Variants in ERICH3 observed in about 807,000 individuals in gnomAD.
ERICH3 encodes glutamate rich 3, also known as glutamate-rich protein 3.
In ERICH3, 126 loss-of-function variants were observed where a neutral mutation model predicts 131.1. The ratio of observed to expected loss-of-function variants is 0.96; its 90% CI spans 0.83 to 1.11. The LOEUF (loss-of-function observed/expected upper bound fraction) is 1.11. Ranked by LOEUF, ERICH3 falls within the 50% of genes most tolerant of loss-of-function variation. The pLI, the probability that ERICH3 is intolerant of heterozygous loss-of-function variation, is 0.00. For missense variants in ERICH3, 2,050 were observed against 1,810.7 expected (o/e 1.13, Z -2.40); for synonymous variants, 695 against 644.6 (o/e 1.08, Z -1.18).
intron 6 of ERICH3, 66 bp downstream of exon 6, chr1:74,636,214 A>C (rs570040370): frequency 7.8e-7 from 1 of 1,289,584 alleles, no homozygotes; most frequent in East Asian, 2.6e-5. Context: ...TACCTTGACC[A>C]CTGTAATAAC....
chr1:74,584,277 G>A (rs1424648173), intron 12 of ERICH3, among the ~76,000 whole-genome samples: 1 of 152,174 alleles, frequency 6.6e-6, no homozygotes, highest in Non-Finnish European at 1.5e-5. Context: ...CCATATAGTA[G>A]CCAGAATAAT....
intron 1 of ERICH3, among the ~76,000 whole-genome samples, chr1:74,671,326 A>G (rs1646741207): frequency 6.6e-6 from 1 of 151,690 alleles, no homozygotes. Context: ...CTGTTCCCTC[A>G]GAAGCATTTG....
intron 6 of ERICH3, among the ~76,000 whole-genome samples, chr1:74,635,297 G>A (rs1012638389): frequency 6.6e-6 from 1 of 151,944 alleles, no homozygotes; most frequent in African/African-American, 2.4e-5. Flanking sequence ...ATTTCTCTTG[G>A]TTTCTAGAAA....
chr1:74,660,615 A>G (rs1432641294), intron 1 of ERICH3, among the ~76,000 whole-genome samples: 1 of 140,454 alleles, frequency 7.1e-6, no homozygotes, highest in South Asian at 2.2e-4. Context: ...ATATATATAT[A>G]GTGTGTATAT....
rs10890136 is a variant in ERICH3, at chr1:74,580,045, C to T, written c.2177-3109G>A. The T allele has an allele frequency of 2.4e-5, 8 of 327,462 alleles. No homozygotes were observed. The Admixed American group carries it at 5.2e-4, about 21-fold the overall frequency. 20.3% of individuals were successfully genotyped at this position (327,462 alleles called of 1,614,324 possible). ...TTTTAAATAATATGTATTGTATTTT[C>T]CCTAAATATGGAGACAGTATTTAGA... On this transcript the variant is annotated intron_variant, in intron 12 of 14. Transcript: ENST00000326665.
At chr1:74,576,847 G>A in intron 13 of ERICH3, 48 bp downstream of exon 13, 1 of 1,513,026 alleles carries the variant, frequency 6.6e-7, no homozygotes. Context: ...TATGAGTCAT[G>A]GTCTGTTGGA....
intron 5 of ERICH3, among the ~76,000 whole-genome samples, chr1:74,640,956 T>C (rs931651633): frequency 6.6e-6 from 1 of 152,070 alleles, no homozygotes; most frequent in African/African-American, 2.4e-5. Flanking sequence ...TAAAGAGTAA[T>C]CATGCAGAAA....
At chr1:74,653,560 C>G (rs116720272) in intron 1 of ERICH3, among the ~76,000 whole-genome samples, 101 of 152,150 alleles carry the variant, frequency 6.6e-4, no homozygotes, top group African/African-American at 2.3e-3. Flanking sequence ...GTGTAATATC[C>G]ATATTCCATT....
chr1:74,620,952 AC>A, intron 7 of ERICH3, 38 bp from the exon 8 acceptor site: 1 of 1,446,646 alleles, frequency 6.9e-7, no homozygotes, highest in East Asian at 2.5e-5. Flanking sequence ...TTAACGAATT[AC>A]TTTCTAATGA....
At chr1:74,616,474 C>T (rs1184478993) in intron 8 of ERICH3, among the ~76,000 whole-genome samples, 2 of 152,142 alleles carry the variant, frequency 1.3e-5, no homozygotes, top group Admixed American at 6.5e-5. Flanking sequence ...GAGGGCTCAA[C>T]CTTTTCATAC....
At chr1:74,607,760 T>C (rs2100590178) in intron 9 of ERICH3, among the ~76,000 whole-genome samples, 1 of 152,094 alleles carries the variant, frequency 6.6e-6, no homozygotes, top group African/African-American at 2.4e-5. Flanking sequence ...ACAAAAGTAA[T>C]ATGAATAAAT....
chr1:74,665,951 C>T (rs549113), intron 1 of ERICH3, among the ~76,000 whole-genome samples: 119 of 152,122 alleles, frequency 7.8e-4, no homozygotes, highest in African/African-American at 2.6e-3. Context: ...TGGATTTAGA[C>T]AGAAGAAATA....
At chr1:74,660,022 C>A (rs1646625105) in intron 1 of ERICH3, among the ~76,000 whole-genome samples, 1 of 152,116 alleles carries the variant, frequency 6.6e-6, no homozygotes, top group South Asian at 2.1e-4. Flanking sequence ...TTCCCTTAAA[C>A]CCCATGTGTC....
At chr1:74,632,954 T>C (rs1398396340) in intron 6 of ERICH3, among the ~76,000 whole-genome samples, 1 of 151,922 alleles carries the variant, frequency 6.6e-6, no homozygotes, top group East Asian at 1.9e-4. Context: ...TTTTCACAAA[T>C]TGGTAATTTT....
intron 7 of ERICH3, 134 bp downstream of exon 7, chr1:74,631,579 A>C (rs910663626): frequency 1.4e-6 from 1 of 703,590 alleles, no homozygotes; most frequent in Non-Finnish European, 2.4e-6. Flanking sequence ...AAGCTTACTT[A>C]TAAAATTGTA....
rs542698747 is a variant in ERICH3 at position 74,640,816 on chromosome 1, C to T, written c.444+515G>A. Among the ~76,000 whole-genome samples the T allele has an allele frequency of 1.7e-3, 263 of 151,998 alleles. 5 individuals carry two copies. In the South Asian group the frequency reaches 0.052, roughly 30 times the overall value. On this transcript the variant is annotated intron_variant, in intron 5 of 14. Transcript: ENST00000326665. ...AGAAGCTCAAATGTTAGTATTTAGCCCAATATGCTACATGGTACCATTGAA... is the reference window on the plus strand; with the variant it reads ...AGAAGCTCAAATGTTAGTATTTAGCTCAATATGCTACATGGTACCATTGAA...
chr1:74,609,686 T>C (rs1648592641), intron 9 of ERICH3, among the ~76,000 whole-genome samples: 1 of 152,074 alleles, frequency 6.6e-6, no homozygotes, highest in East Asian at 1.9e-4. Flanking sequence ...CAATGCACTG[T>C]TCTATTCTGG....
chr1:74,597,639 G>A (rs563464542), intron 11 of ERICH3, among the ~76,000 whole-genome samples: 2 of 151,790 alleles, frequency 1.3e-5, no homozygotes, highest in African/African-American at 2.4e-5. Flanking sequence ...GGCACTAACC[G>A]AAACATCTTC....
At chr1:74,647,142 G>T (rs745540363) in intron 2 of ERICH3, among the ~76,000 whole-genome samples, 5 of 152,074 alleles carry the variant, frequency 3.3e-5, no homozygotes, top group Non-Finnish European at 7.4e-5. Context: ...CACACAGGTG[G>T]CACACTTGAC....
Sources: allele counts gnomAD v4.1 joint callset (sites outside exome capture counted in the v4.1 genomes callset), GRCh38; gene constraint gnomAD v4.1.1; transcripts MANE v1.5; gene names NCBI Gene and HGNC (gene_info 2026-07-23, HGNC 2026-07-21).